The following SCHIP1 variants were observed in gnomAD, a reference collection of about 807,000 sequenced individuals.
SCHIP1 encodes the protein schwannomin interacting protein 1, also known as schwannomin-interacting protein 1.
Under a neutral mutation model 29.7 loss-of-function variants are expected in SCHIP1, and 8 were observed. The observed-to-expected ratio is 0.27, with a 90% CI of 0.16 to 0.49. The LOEUF (loss-of-function observed/expected upper bound fraction) is 0.49. Ranked by LOEUF, SCHIP1 falls within the 20% of genes least tolerant of loss-of-function variation. The pLI is 0.99. For missense variants in SCHIP1, 193 were observed against 294.6 expected (o/e 0.66, Z 2.52); for synonymous variants, 76 against 94.9 (o/e 0.80, Z 1.16).
chr3:159,449,059 T>G, the SCHIP1 span, among the ~76,000 whole-genome samples: 1 of 152,218 alleles, frequency 6.6e-6, no homozygotes, highest in Non-Finnish European at 1.5e-5. Context: ...ATACCAGAGA[T>G]GGCACTGCTA....
the SCHIP1 span, among the ~76,000 whole-genome samples, chr3:159,344,986 C>T: frequency 1.8e-4 from 27 of 152,104 alleles, no homozygotes; most frequent in Non-Finnish European, 3.7e-4. Context: ...CGGTGGCACA[C>T]GCCTGTAATC....
chr3:159,605,064 A>G, the SCHIP1 span, among the ~76,000 whole-genome samples: 4 of 152,204 alleles, frequency 2.6e-5, no homozygotes, highest in East Asian at 5.8e-4. Context: ...TGAACAAAAC[A>G]TGCACCTACA....
chr3:159,414,526 T>G, the SCHIP1 span, among the ~76,000 whole-genome samples: 1 of 152,198 alleles, frequency 6.6e-6, no homozygotes, highest in African/African-American at 2.4e-5. Context: ...AATTATATAT[T>G]CACAATTTTT....
chr3:159,410,819 C>T, the SCHIP1 span, among the ~76,000 whole-genome samples: 73 of 152,206 alleles, frequency 4.8e-4, no homozygotes, highest in Non-Finnish European at 9.1e-4. Context: ...GAGACATCTT[C>T]ACTCCCATGT....
At chr3:159,775,808 T>C in the SCHIP1 span, among the ~76,000 whole-genome samples, 1 of 152,216 alleles carries the variant, frequency 6.6e-6, no homozygotes, top group African/African-American at 2.4e-5. Flanking sequence ...TGGTTTGCCA[T>C]ATATGGAGAG....
the SCHIP1 span, among the ~76,000 whole-genome samples, chr3:159,379,285 G>A: frequency 2.0e-5 from 3 of 151,556 alleles, no homozygotes; most frequent in South Asian, 2.1e-4. Context: ...GCAGTGGCAC[G>A]ATCTTGGCTC....
the SCHIP1 span, among the ~76,000 whole-genome samples, chr3:159,329,095 C>T: frequency 6.6e-6 from 1 of 151,946 alleles, no homozygotes; most frequent in Admixed American, 6.6e-5. Context: ...TTATCTGTAC[C>T]CCCGGGGAGC....
At chr3:159,846,045 A>G in intron 1 of SCHIP1, 1 of 152,238 alleles carries the variant, frequency 6.6e-6, no homozygotes, top group Non-Finnish European at 1.5e-5. Context: ...GAGACAATGC[A>G]TTAAGAAAAT....
the SCHIP1 span, among the ~76,000 whole-genome samples, chr3:159,354,558 T>G: frequency 6.6e-6 from 1 of 152,182 alleles, no homozygotes; most frequent in Non-Finnish European, 1.5e-5. Flanking sequence ...TTCTTCTTAT[T>G]GGAATTTTGA....
the SCHIP1 span, among the ~76,000 whole-genome samples, chr3:159,511,786 G>C: frequency 1.3e-5 from 2 of 152,062 alleles, no homozygotes; most frequent in Non-Finnish European, 2.9e-5. Flanking sequence ...TAAGACTATT[G>C]ATTTTCTAGA....
chr3:159,740,125 G>A, the SCHIP1 span, among the ~76,000 whole-genome samples: 61 of 152,350 alleles, frequency 4.0e-4, no homozygotes, highest in East Asian at 7.7e-3. Flanking sequence ...TGACCTCAGT[G>A]TGTCTCTGCA....
chr3:159,475,222 C>T, the SCHIP1 span, among the ~76,000 whole-genome samples: 1 of 152,092 alleles, frequency 6.6e-6, no homozygotes. Flanking sequence ...TATACTCATA[C>T]AATGAAATAT....
At chr3:159,358,517 G>A in the SCHIP1 span, among the ~76,000 whole-genome samples, 2 of 152,126 alleles carry the variant, frequency 1.3e-5, no homozygotes, top group Admixed American at 6.5e-5. Flanking sequence ...TACCTACTCT[G>A]CACAGCAGGT....
chr3:159,823,066 G>C, the SCHIP1 span, among the ~76,000 whole-genome samples: 2 of 152,064 alleles, frequency 1.3e-5, no homozygotes, highest in Non-Finnish European at 2.9e-5. Context: ...AATAGGAGTT[G>C]GCCAGAGAGG....
the SCHIP1 span, among the ~76,000 whole-genome samples, chr3:159,781,082 CT>C: frequency 6.6e-6 from 1 of 152,292 alleles, no homozygotes; most frequent in Admixed American, 6.5e-5. Context: ...CTAACCATTC[CT>C]TATCTTATAG....
the SCHIP1 span, among the ~76,000 whole-genome samples, chr3:159,480,073 A>G: frequency 1.3e-5 from 2 of 152,186 alleles, no homozygotes; most frequent in African/African-American, 4.8e-5. Context: ...ACACATAGAA[A>G]ACAACAGGTT....
At chr3:159,504,315 C>T in the SCHIP1 span, among the ~76,000 whole-genome samples, 1 of 152,026 alleles carries the variant, frequency 6.6e-6, no homozygotes, top group Admixed American at 6.6e-5. Context: ...AATTCTTCTC[C>T]CAGAATATCT....
the SCHIP1 span, among the ~76,000 whole-genome samples, chr3:159,655,204 G>T: frequency 6.6e-6 from 1 of 152,188 alleles, no homozygotes; most frequent in African/African-American, 2.4e-5. Flanking sequence ...TGTTTAATAT[G>T]CTACCAGTTA....
chr3:159,376,473 C>G, the SCHIP1 span, among the ~76,000 whole-genome samples: 1 of 152,142 alleles, frequency 6.6e-6, no homozygotes, highest in Admixed American at 6.5e-5. Flanking sequence ...CATCCTGGAG[C>G]CAATTGATTC....
Sources: gnomAD v4.1 joint callset for allele counts (sites outside exome capture counted in the v4.1 genomes callset) on GRCh38, gnomAD v4.1.1 for gene constraint, MANE v1.5 for transcripts, NCBI Gene and HGNC (gene_info 2026-07-23, HGNC 2026-07-21) for gene names.